NMNAT2: variants seen among roughly 807,000 people sequenced by gnomAD.
The protein encoded by NMNAT2 is nicotinamide/nicotinic acid mononucleotide adenylyltransferase 2.
NMNAT2 carries 11 observed loss-of-function variants against 41.6 expected under a neutral mutation model. The observed-to-expected ratio is 0.26, with a 90% CI of 0.17 to 0.44. The LOEUF (loss-of-function observed/expected upper bound fraction) is 0.44, where lower values mean the gene tolerates loss of function less well. Ranked by LOEUF, NMNAT2 falls within the 20% of genes least tolerant of loss-of-function variation. The probability of loss-of-function intolerance (pLI) is 1.00; values close to 1 mark genes in which losing one functional copy is unlikely to be tolerated. For synonymous variants in NMNAT2, 148 were observed against 151.2 expected (o/e 0.98, Z 0.16); for missense variants, 288 against 407.7 (o/e 0.71, Z 2.53).
chr1:183,370,616 G>C (rs1663515143), intron 1 of NMNAT2, among the ~76,000 whole-genome samples: 1 of 152,218 alleles, frequency 6.6e-6, no homozygotes, highest in African/African-American at 2.4e-5. Context: ...TATCAGGTGT[G>C]CTCGGGCACA....
chr1:183,379,094 TCTATA>T (rs1488016030), intron 1 of NMNAT2, among the ~76,000 whole-genome samples: 8 of 143,954 alleles, frequency 5.6e-5, no homozygotes, highest in African/African-American at 1.5e-4. Context: ...ATATCTATAA[TCTATA>T]ATCTATATCT....
chr1:183,393,061 C>T (rs976437394), intron 1 of NMNAT2, among the ~76,000 whole-genome samples: 7 of 152,114 alleles, frequency 4.6e-5, no homozygotes, highest in African/African-American at 1.2e-4. Context: ...GTGGTGGTGT[C>T]GGTGAGCAAA....
chr1:183,333,653 G>GT (rs35318803), intron 1 of NMNAT2, among the ~76,000 whole-genome samples: 40,281 of 152,124 alleles, frequency 0.26, 6,028 homozygotes, highest in African/African-American at 0.41. Flanking sequence ...TTCCAGAACT[G>GT]TAAGATAATA....
chr1:183,344,173 C>T (rs1662877085), intron 1 of NMNAT2, among the ~76,000 whole-genome samples: 1 of 152,120 alleles, frequency 6.6e-6, no homozygotes, highest in Non-Finnish European at 1.5e-5. Context: ...CATTAGTTAC[C>T]ATCTATTGAC....
At chr1:183,389,063 G>T (rs1287238951) in intron 1 of NMNAT2, among the ~76,000 whole-genome samples, 1 of 152,254 alleles carries the variant, frequency 6.6e-6, no homozygotes, top group East Asian at 1.9e-4. Context: ...TCAGCCTTAC[G>T]CAGAGCACAG....
intron 10 of NMNAT2, among the ~76,000 whole-genome samples, chr1:183,256,223 T>C (rs1660512651): frequency 6.6e-6 from 1 of 151,914 alleles, no homozygotes; most frequent in African/African-American, 2.4e-5. Flanking sequence ...CTGGCCAACA[T>C]AGCGAAACCC....
intron 3 of NMNAT2, among the ~76,000 whole-genome samples, chr1:183,291,826 A>G (rs1158138263): frequency 6.6e-6 from 1 of 152,184 alleles, no homozygotes; most frequent in Admixed American, 6.5e-5. Flanking sequence ...CCTGAGAAAA[A>G]GCAGCTGTCT....
chr1:183,385,331 C>CAA lies in NMNAT2; in HGVS notation c.85+32850_85+32851dup, dbSNP rs562955411. 2.0e-4 allele frequency among the ~76,000 whole-genome samples: 30 copies of CAA among 152,298 alleles called. No individual in the cohort carries two copies. In the South Asian group the frequency reaches 6.2e-3, roughly 32 times the overall value. On this transcript the variant is annotated intron_variant, in intron 1 of 10. Coordinates refer to ENST00000287713, the MANE Select transcript of NMNAT2 (RefSeq NM_015039.4). Reference sequence around the variant, plus strand: ...TGACAATGGCTGAAGTTAGCTAAAGCAATAGCCTAAAACCCACAGACACCA... The same window carrying CAA: ...TGACAATGGCTGAAGTTAGCTAAAGCAAAATAGCCTAAAACCCACAGACACCA...
chr1:183,349,607 T>C (rs1483255093), intron 1 of NMNAT2, among the ~76,000 whole-genome samples: 1 of 152,242 alleles, frequency 6.6e-6, no homozygotes, highest in East Asian at 1.9e-4. Flanking sequence ...TGTTTGTGTC[T>C]AGTGCTGAGT....
chr1:183,356,811 G>A (rs914932138), intron 1 of NMNAT2, among the ~76,000 whole-genome samples: 2 of 152,172 alleles, frequency 1.3e-5, no homozygotes, highest in African/African-American at 4.8e-5. Context: ...ATTAAGCTTG[G>A]TATGTCTGAA....
chr1:183,317,537 G>A (rs1051254775), intron 1 of NMNAT2, among the ~76,000 whole-genome samples: 11 of 152,204 alleles, frequency 7.2e-5, no homozygotes, highest in Admixed American at 7.2e-4. Context: ...CTCCCAAAGT[G>A]CTGGGATTAT....
At chr1:183,359,746 C>T (rs1362127776) in intron 1 of NMNAT2, among the ~76,000 whole-genome samples, 2 of 152,062 alleles carry the variant, frequency 1.3e-5, no homozygotes, top group African/African-American at 4.8e-5. Flanking sequence ...AATGGAGACA[C>T]GTGTGGCTCA....
chr1:183,414,241 A>C (rs371700343), intron 1 of NMNAT2, among the ~76,000 whole-genome samples: 1 of 152,254 alleles, frequency 6.6e-6, no homozygotes, highest in Non-Finnish European at 1.5e-5. Context: ...CAGCCTGGGC[A>C]ACAGAGCAAG....
At chr1:183,264,576 T>C (rs959082280) in intron 8 of NMNAT2, among the ~76,000 whole-genome samples, 2 of 152,190 alleles carry the variant, frequency 1.3e-5, no homozygotes, top group African/African-American at 4.8e-5. Context: ...AGCACCTGTT[T>C]GGAGAATTAT....
chr1:183,377,303 G>C (rs1361522703), intron 1 of NMNAT2, among the ~76,000 whole-genome samples: 3 of 151,900 alleles, frequency 2.0e-5, no homozygotes, highest in Admixed American at 6.6e-5. Flanking sequence ...TCAGAGAAGG[G>C]ACCCTCCCCA....
intron 1 of NMNAT2, among the ~76,000 whole-genome samples, chr1:183,344,899 G>T (rs904254125): frequency 1.3e-5 from 2 of 152,132 alleles, no homozygotes; most frequent in East Asian, 3.8e-4. Flanking sequence ...AGTCTCCCCG[G>T]CAGGGCTTCC....
At chr1:183,380,161 T>A (rs1251919507) in intron 1 of NMNAT2, among the ~76,000 whole-genome samples, 12 of 152,236 alleles carry the variant, frequency 7.9e-5, no homozygotes. Flanking sequence ...TAGGAAAGTC[T>A]CTATTTTCTC....
At chr1:183,266,179 T>C (rs765171597) in intron 8 of NMNAT2, among the ~76,000 whole-genome samples, 62 of 152,320 alleles carry the variant, frequency 4.1e-4, no homozygotes, top group Non-Finnish European at 8.4e-4. Context: ...AATACATATG[T>C]GTTATCCTAA....
At chr1:183,261,670 G>C (rs961283992) in intron 8 of NMNAT2, among the ~76,000 whole-genome samples, 2 of 152,140 alleles carry the variant, frequency 1.3e-5, no homozygotes, top group African/African-American at 4.8e-5. Flanking sequence ...ACACCCTCTG[G>C]AGTGAAACAG....
Sources: gnomAD v4.1 joint callset for allele counts (sites outside exome capture counted in the v4.1 genomes callset) on GRCh38, gnomAD v4.1.1 for gene constraint, MANE v1.5 for transcripts, NCBI Gene and HGNC (gene_info 2026-07-23, HGNC 2026-07-21) for gene names.